The following LRRC4C variants were observed in gnomAD, a reference collection of about 807,000 sequenced individuals.
LRRC4C encodes the protein leucine-rich repeat-containing protein 4C.
LRRC4C carries 5 observed loss-of-function variants against 33.6 expected under a neutral mutation model. The ratio of observed to expected loss-of-function variants is 0.15; its 90% CI spans 0.08 to 0.31. LRRC4C has a LOEUF of 0.31. LRRC4C is among the 10% of genes least tolerant of loss of function. The probability of loss-of-function intolerance (pLI) is 1.00; values close to 1 mark genes in which losing one functional copy is unlikely to be tolerated. For missense variants in LRRC4C, 560 were observed against 796.7 expected, an observed-to-expected ratio of 0.70 and a Z score of 3.58; for synonymous variants, 329 against 302.0, an observed-to-expected ratio of 1.09 and a Z score of -0.93.
intron 2 of LRRC4C, among the ~76,000 whole-genome samples, chr11:40,852,121 A>G (rs1003994712): frequency 3.4e-5 from 5 of 147,396 alleles, no homozygotes. Context: ...GCCACCATGC[A>G]CTACTAGATT....
At chr11:40,427,508 A>C (rs1950760608) in intron 3 of LRRC4C, among the ~76,000 whole-genome samples, 1 of 152,014 alleles carries the variant, frequency 6.6e-6, no homozygotes, top group Non-Finnish European at 1.5e-5. Flanking sequence ...ACTCTGTCTC[A>C]AAAAATAAAA....
intron 1 of LRRC4C, among the ~76,000 whole-genome samples, chr11:40,944,255 G>T (rs60375459): frequency 0.087 from 13,166 of 151,964 alleles, 616 homozygotes; most frequent in Non-Finnish European, 0.1. Flanking sequence ...ATTCACAGAT[G>T]CCTTAGCAAT....
chr11:40,518,892 C>T (rs1052559001), intron 3 of LRRC4C, among the ~76,000 whole-genome samples: 11 of 152,180 alleles, frequency 7.2e-5, no homozygotes, highest in Admixed American at 4.6e-4. Context: ...GGCACATATA[C>T]ACCATGGAAT....
chr11:41,377,512 C>T (rs188624593), intron 1 of LRRC4C, among the ~76,000 whole-genome samples: 1 of 152,066 alleles, frequency 6.6e-6, no homozygotes, highest in South Asian at 2.1e-4. Flanking sequence ...CAACGATAAC[C>T]GATAGATATT....
At chr11:40,560,250 T>C (rs1957494437) in intron 3 of LRRC4C, among the ~76,000 whole-genome samples, 1 of 149,112 alleles carries the variant, frequency 6.7e-6, no homozygotes, top group Non-Finnish European at 1.5e-5. Flanking sequence ...AGAGCAAACA[T>C]CAGTCCTACA....
At chr11:40,272,564 TGTTA>T (rs985383957) in intron 4 of LRRC4C, among the ~76,000 whole-genome samples, 2 of 152,098 alleles carry the variant, frequency 1.3e-5, no homozygotes, top group African/African-American at 4.8e-5. Flanking sequence ...GGCAACTTTT[TGTTA>T]GTTTGTTTTT....
intron 3 of LRRC4C, among the ~76,000 whole-genome samples, chr11:40,505,065 C>T (rs146837058): frequency 2.7e-4 from 41 of 152,230 alleles, no homozygotes; most frequent in African/African-American, 8.7e-4. Flanking sequence ...TCTCTTACCT[C>T]GTCCTCTATT....
At chr11:40,975,741 A>T (rs1370184478) in intron 1 of LRRC4C, among the ~76,000 whole-genome samples, 1 of 152,206 alleles carries the variant, frequency 6.6e-6, no homozygotes, top group African/African-American at 2.4e-5. Flanking sequence ...TTATGAGCCA[A>T]CTGAGAAGAA....
At chr11:40,808,855 C>A (rs1048888711) in intron 2 of LRRC4C, among the ~76,000 whole-genome samples, 2 of 152,178 alleles carry the variant, frequency 1.3e-5, no homozygotes, top group Non-Finnish European at 2.9e-5. Context: ...CATCACATAT[C>A]TACATGCATC....
chr11:40,910,957 G>A (rs1428233015), intron 2 of LRRC4C, among the ~76,000 whole-genome samples: 3 of 152,206 alleles, frequency 2.0e-5, no homozygotes, highest in Admixed American at 1.3e-4. Flanking sequence ...TGCTAGCACA[G>A]TAGTCTGAGA....
chr11:40,737,254 G>A (rs943946144), intron 2 of LRRC4C, among the ~76,000 whole-genome samples: 2 of 152,074 alleles, frequency 1.3e-5, no homozygotes, highest in African/African-American at 4.8e-5. Context: ...CAAACCCACA[G>A]CTAGTATCAT....
chr11:41,079,927 C>A (rs970415667), intron 1 of LRRC4C, among the ~76,000 whole-genome samples: 1 of 152,096 alleles, frequency 6.6e-6, no homozygotes, highest in Non-Finnish European at 1.5e-5. Flanking sequence ...TCATTCAGTT[C>A]CTGACTATCC....
chr11:40,952,838 G>A, intron 1 of LRRC4C, among the ~76,000 whole-genome samples: 1 of 109,706 alleles, frequency 9.1e-6, no homozygotes, highest in South Asian at 2.8e-4. Flanking sequence ...ACACACCTCT[G>A]TCTATTTCCA....
At chr11:40,718,444 T>C (rs1344659296) in intron 2 of LRRC4C, among the ~76,000 whole-genome samples, 1 of 152,126 alleles carries the variant, frequency 6.6e-6, no homozygotes, top group African/African-American at 2.4e-5. Context: ...ACTTTAATAA[T>C]AGAATTGCAA....
Position 41,028,065 on chromosome 11 carries a change from C to T in LRRC4C, c.-495-94342G>A, listed in dbSNP as rs141903577. Among the ~76,000 whole-genome samples the T allele has an allele frequency of 2.0e-3, 297 of 151,614 alleles. 1 individual carries two copies. The highest frequency in any genetic ancestry group is 3.9e-3 in the Admixed American group (59 of 15,164). On this transcript the variant is annotated intron_variant, in intron 1 of 6. Transcript: ENST00000528697. ...GCTCATGGCCTAGCACAAAGGGATG[C>T]CATTTGTTGAGGAAACCAATTCACA...
At chr11:40,644,968 T>C (rs555022976) in intron 3 of LRRC4C, among the ~76,000 whole-genome samples, 1 of 151,962 alleles carries the variant, frequency 6.6e-6, no homozygotes, top group South Asian at 2.1e-4. Flanking sequence ...TACAACTACA[T>C]GTGAATGTAC....
intron 1 of LRRC4C, among the ~76,000 whole-genome samples, chr11:41,287,800 A>G (rs957095239): frequency 6.6e-6 from 1 of 152,216 alleles, no homozygotes; most frequent in South Asian, 2.1e-4. Flanking sequence ...ATAAGCCCAC[A>G]TAAGTAAATC....
chr11:41,295,186 A>G (rs558779425), intron 1 of LRRC4C, among the ~76,000 whole-genome samples: 2 of 152,200 alleles, frequency 1.3e-5, no homozygotes, highest in Non-Finnish European at 2.9e-5. Context: ...AAAAAATAAG[A>G]GCACTGTTAA....
intron 4 of LRRC4C, among the ~76,000 whole-genome samples, chr11:40,278,071 C>T (rs2136416681): frequency 6.6e-6 from 1 of 152,274 alleles, no homozygotes; most frequent in African/African-American, 2.4e-5. Context: ...GAGCATGTCA[C>T]TGCATAAGTA....
Sources: gnomAD v4.1 joint callset for allele counts (sites outside exome capture counted in the v4.1 genomes callset) on GRCh38, gnomAD v4.1.1 for gene constraint, MANE v1.5 for transcripts, NCBI Gene and HGNC (gene_info 2026-07-23, HGNC 2026-07-21) for gene names.